Variants in KRIT1 observed in about 807,000 individuals in gnomAD.
KRIT1 encodes KRIT1 ankyrin repeat containing.
A neutral mutation model predicts 95.8 loss-of-function variants in KRIT1; 45 were observed. The ratio of observed to expected loss-of-function variants is 0.47; its 90% CI spans 0.37 to 0.60. The LOEUF (loss-of-function observed/expected upper bound fraction) is 0.60. Among genes scored for constraint, KRIT1 ranks in the 20% least tolerant of loss-of-function variants. The pLI, the probability that KRIT1 is intolerant of heterozygous loss-of-function variation, is 0.00. For synonymous variants in KRIT1, 282 were observed against 278.8 expected (o/e 1.01, Z -0.11); for missense variants, 788 against 877.5 (o/e 0.90, Z 1.29).
rs1290140768 is a variant in KRIT1, at chr7:92,216,539, T to C, written c.1564-1762A>G. Among the ~76,000 whole-genome samples the C allele has an allele frequency of 2.0e-5, 3 of 152,152 alleles. No individual in the cohort carries two copies. The East Asian group carries it at 5.8e-4, about 29-fold the overall frequency. ...AATCAGATATTATGTAATTATGGAA[T>C]TATTAATTTTATTAGGTTGGAAATG... On this transcript the variant is annotated intron_variant, in intron 14 of 18. Transcript: ENST00000394505.
chr7:92,199,027 C>T (rs1308616471), downstream of KRIT1: 1 of 152,170 alleles, frequency 6.6e-6, no homozygotes, highest in Non-Finnish European at 1.5e-5. Context: ...AATTCTGTTT[C>T]CAGCTATGAT....
chr7:92,226,520 A>G lies in KRIT1; in HGVS notation c.1146+6T>C, dbSNP rs1322783854. ...ATTATTTTTAAAAACCTGGAAAATA[A>G]CTTACTCTATCCGTTTCTGGGTGGT... On this transcript the variant is annotated splice_donor_region_variant and intron_variant, in intron 11 of 18. Transcript: ENST00000394505. 1 of 1,603,514 alleles carries G rather than the reference A, an allele frequency of 6.2e-7. No individual in the cohort carries two copies. Among genetic ancestry groups the G allele is most frequent in the Non-Finnish European group, 8.5e-7 (1 of 1,170,596 alleles).
intron 14 of KRIT1, among the ~76,000 whole-genome samples, chr7:92,220,409 T>C (rs947624586): frequency 2.6e-5 from 4 of 152,146 alleles, no homozygotes; most frequent in Admixed American, 1.3e-4. Flanking sequence ...TATATTTGGC[T>C]GAGAGGATCT....
At chr7:92,233,395 T>A (rs959055149) in intron 10 of KRIT1, among the ~76,000 whole-genome samples, 8 of 149,838 alleles carry the variant, frequency 5.3e-5, no homozygotes, top group African/African-American at 1.7e-4. Context: ...AACAAGGCAA[T>A]AAATAATGTG....
At chr7:92,231,378 T>C (rs1797247279) in intron 10 of KRIT1, among the ~76,000 whole-genome samples, 1 of 152,202 alleles carries the variant, frequency 6.6e-6, no homozygotes, top group African/African-American at 2.4e-5. Context: ...TTTTTCAGTT[T>C]CTATTTCTAA....
chr7:92,236,560 A>G lies in KRIT1; in HGVS notation c.356-18T>C, dbSNP rs1304326425. The stretch of plus-strand genomic sequence containing the variant: ...AGTATTATCTGAAAAAGAAAAATGA[A>G]GAATTATGCTACCATATAAAAGGTT... On this transcript the variant is annotated intron_variant, in intron 6 of 18. Coordinates refer to ENST00000394505, the MANE Select transcript of KRIT1 (RefSeq NM_194454.3). 18 of 1,479,548 alleles carry G rather than the reference A, an allele frequency of 1.2e-5. No homozygotes were observed. Among genetic ancestry groups the G allele is most frequent in the Middle Eastern group, 1.7e-4 (1 of 5,742 alleles). The allele number at this position is 1,479,548 out of a possible 1,614,324, so 91.7% of individuals were successfully genotyped here.
chr7:92,225,958 C>A, intron 11 of KRIT1, 131 bp from the exon 12 acceptor site: 3 of 640,186 alleles, frequency 4.7e-6, no homozygotes, highest in Admixed American at 5.2e-5. Flanking sequence ...ATATTAACCA[C>A]ACTTGGTATG....
chr7:92,218,832 T>C (rs1369325553), intron 14 of KRIT1, among the ~76,000 whole-genome samples: 1 of 152,184 alleles, frequency 6.6e-6, no homozygotes, highest in East Asian at 1.9e-4. Context: ...ACAAAAGTCT[T>C]TGATTTTGAT....
intron 4 of KRIT1, among the ~76,000 whole-genome samples, chr7:92,241,566 GT>G (rs1254503932): frequency 6.6e-5 from 10 of 152,128 alleles, no homozygotes; most frequent in Non-Finnish European, 1.5e-4. Flanking sequence ...GTATATGTAT[GT>G]ACATATAGCC....
chr7:92,212,999 G>A (rs906291303), intron 17 of KRIT1, among the ~76,000 whole-genome samples, 196 bp downstream of exon 17: 2 of 152,048 alleles, frequency 1.3e-5, no homozygotes, highest in African/African-American at 4.8e-5. Flanking sequence ...ATGGCTGAAG[G>A]GTATTCTAAT....
intron 10 of KRIT1, among the ~76,000 whole-genome samples, chr7:92,230,430 T>G (rs1386761491): frequency 6.6e-6 from 1 of 152,202 alleles, no homozygotes; most frequent in African/African-American, 2.4e-5. Context: ...TTTCAACTCC[T>G]ATTTGTTCTT....
intron 8 of KRIT1, 71 bp downstream of exon 8, chr7:92,235,332 T>A: frequency 1.4e-6 from 2 of 1,456,778 alleles, no homozygotes; most frequent in Non-Finnish European, 1.9e-6. Flanking sequence ...GATGTATATA[T>A]CTCAGGAAAA....
intron 17 of KRIT1, chr7:92,205,886 G>A (rs187357195): frequency 1.3e-5 from 2 of 152,268 alleles, no homozygotes; most frequent in East Asian, 3.9e-4. Context: ...TTAGAAAAAG[G>A]AGCACCATAA....
chr7:92,217,153 C>T (rs1436882921), intron 14 of KRIT1, among the ~76,000 whole-genome samples: 1 of 152,180 alleles, frequency 6.6e-6, no homozygotes, highest in African/African-American at 2.4e-5. Context: ...ATTATCATTA[C>T]TGCTCCTCTT....
chr7:92,225,874 G>A, intron 11 of KRIT1, 47 bp from the exon 12 acceptor site: 1 of 948,256 alleles, frequency 1.1e-6, no homozygotes, highest in South Asian at 1.3e-5. Context: ...ACATATTATG[G>A]TATTCTAAGG....
At chr7:92,202,337 C>A (rs1790366325) in intron 17 of KRIT1, 2 of 152,124 alleles carry the variant, frequency 1.3e-5, no homozygotes, top group South Asian at 2.1e-4. Context: ...GACCAGCCAA[C>A]AACAGAACTA....
rs181021937 is a variant in KRIT1 at position 92,225,100 on chromosome 7, C to G, written c.1254+620G>C. Among the ~76,000 whole-genome samples, 325 of 152,048 alleles carry G rather than the reference C, an allele frequency of 2.1e-3. 4 individuals carry two copies. Among genetic ancestry groups the G allele is most frequent in the African/African-American group, 7.2e-3 (300 of 41,466 alleles). On this transcript the variant is annotated intron_variant, in intron 12 of 18. Coordinates refer to ENST00000394505, the MANE Select transcript of KRIT1 (RefSeq NM_194454.3). Reference sequence around the variant, plus strand: ...CCTGGGAGGCAGAGGTTGCGGTGAGCTGAGATCGCGCCATTGTATTCCAGC... The same window carrying G: ...CCTGGGAGGCAGAGGTTGCGGTGAGGTGAGATCGCGCCATTGTATTCCAGC...
rs527290163 is a variant in KRIT1 at position 92,213,250 on chromosome 7, G to A, written c.1970C>T (p.Pro657Leu). 6.2e-6 allele frequency: 10 copies of A among 1,613,422 alleles called. No individual in the cohort carries two copies. In the Admixed American group the frequency reaches 1.2e-4, roughly 19 times the overall value. ...TTTTATATTCACTCCTACATACACA[G>A]GGATGACTTTATGATTGCTGGGGCT... ...KASPSNHKVI[P>L]VYVGVNIKGL... Residue 657 changes from proline (P) to leucine (L), a missense_variant, in exon 17 of 19, where the codon CCT becomes CTT. Transcript: ENST00000394505.
intron 15 of KRIT1, among the ~76,000 whole-genome samples, chr7:92,214,184 T>C (rs1175887180): frequency 1.3e-5 from 2 of 152,148 alleles, no homozygotes; most frequent in Non-Finnish European, 2.9e-5. Flanking sequence ...CTTCTTTCAA[T>C]AACCAGAAAA....
Sources: gnomAD v4.1 joint callset for allele counts (sites outside exome capture counted in the v4.1 genomes callset) on GRCh38, gnomAD v4.1.1 for gene constraint, MANE v1.5 for transcripts, NCBI Gene and HGNC (gene_info 2026-07-23, HGNC 2026-07-21) for gene names.